COL5A2: variants seen among roughly 807,000 people sequenced by gnomAD.
COL5A2 encodes collagen alpha-2(V) chain.
Under a neutral mutation model 208.2 loss-of-function variants are expected in COL5A2, and 23 were observed. The observed-to-expected ratio is 0.11, with a 90% confidence interval of 0.08 to 0.16. The LOEUF (loss-of-function observed/expected upper bound fraction) is 0.16. Ranked by LOEUF, COL5A2 falls within the 10% of genes least tolerant of loss-of-function variation. COL5A2 has a pLI of 1.00. For missense variants in COL5A2, 1,590 were observed against 1,956.4 expected (o/e 0.81, Z 3.53); for synonymous variants, 625 against 628.5 (o/e 0.99, Z 0.08).
chr2:189,340,167 G>A, the COL5A2 span, among the ~76,000 whole-genome samples: 2 of 152,122 alleles, frequency 1.3e-5, no homozygotes, highest in Admixed American at 6.5e-5. Context: ...TGACAACTGG[G>A]TTCCCCTTGG....
chr2:189,097,185 A>G (rs1686936046), intron 6 of COL5A2, 92 bp downstream of exon 6: 1 of 1,185,532 alleles, frequency 8.4e-7, no homozygotes, highest in Non-Finnish European at 1.3e-6. Flanking sequence ...GTGAAAGAGG[A>G]ATAGTGCTCC....
At chr2:189,294,611 TC>T in the COL5A2 span, among the ~76,000 whole-genome samples, 1 of 152,190 alleles carries the variant, frequency 6.6e-6, no homozygotes, top group South Asian at 2.1e-4. Context: ...TCATAAAAAC[TC>T]ATTTGAAAAT....
At chr2:189,167,533 T>C (rs908614967) in intron 1 of COL5A2, among the ~76,000 whole-genome samples, 2 of 152,118 alleles carry the variant, frequency 1.3e-5, no homozygotes, top group African/African-American at 4.8e-5. Context: ...GAGTTGTGTC[T>C]AAGCAAAATT....
chr2:189,419,081 A>G, the COL5A2 span, among the ~76,000 whole-genome samples: 60 of 152,320 alleles, frequency 3.9e-4, no homozygotes, highest in African/African-American at 1.4e-3. Context: ...GTTGATCCTC[A>G]GGAAGATGAT....
the COL5A2 span, among the ~76,000 whole-genome samples, chr2:189,370,443 T>A: frequency 6.6e-6 from 1 of 152,180 alleles, no homozygotes; most frequent in African/African-American, 2.4e-5. Flanking sequence ...CAGAATTATA[T>A]AAACTTGTCA....
At chr2:189,052,838 G>T (rs1479543873) in intron 39 of COL5A2, 36 bp from the exon 40 acceptor site, 1 of 1,612,812 alleles carries the variant, frequency 6.2e-7, no homozygotes, top group Admixed American at 1.7e-5. Flanking sequence ...CTATAGTGAA[G>T]CAAAAGAGGC....
the COL5A2 span, among the ~76,000 whole-genome samples, chr2:189,435,381 G>C: frequency 6.7e-4 from 102 of 152,238 alleles, 3 homozygotes; most frequent in East Asian, 0.015. Context: ...CCATCAGAGT[G>C]AACAGGCAAC....
At chr2:189,330,016 T>G in the COL5A2 span, among the ~76,000 whole-genome samples, 1 of 152,080 alleles carries the variant, frequency 6.6e-6, no homozygotes, top group East Asian at 1.9e-4. Context: ...AAGGAAAAAC[T>G]GCTGAAGTGT....
chr2:189,209,239 C>T (rs1689179744), intron 1 of COL5A2, among the ~76,000 whole-genome samples: 1 of 152,124 alleles, frequency 6.6e-6, no homozygotes, highest in Non-Finnish European at 1.5e-5. Flanking sequence ...GTTGCTCTGA[C>T]TGGCCCCTGA....
At chr2:189,261,869 G>A in the COL5A2 span, among the ~76,000 whole-genome samples, 2 of 152,262 alleles carry the variant, frequency 1.3e-5, no homozygotes, top group African/African-American at 4.8e-5. Context: ...CATCTAAAAG[G>A]TAGCTGGAAG....
chr2:189,090,478 C>A (rs375395127), intron 7 of COL5A2, among the ~76,000 whole-genome samples: 4 of 152,182 alleles, frequency 2.6e-5, no homozygotes, highest in Non-Finnish European at 5.9e-5. Context: ...CATTGATGAA[C>A]GTGGCTACAC....
At chr2:189,137,119 A>G (rs1687841632) in intron 1 of COL5A2, among the ~76,000 whole-genome samples, 1 of 152,224 alleles carries the variant, frequency 6.6e-6, no homozygotes, top group Non-Finnish European at 1.5e-5. Context: ...TATTCTGAAT[A>G]AAACTAACTG....
chr2:189,143,279 A>C (rs1687971375), intron 1 of COL5A2, among the ~76,000 whole-genome samples: 1 of 152,180 alleles, frequency 6.6e-6, no homozygotes, highest in Non-Finnish European at 1.5e-5. Context: ...ATCTACTGGA[A>C]GAAGGAATGC....
chr2:189,423,566 A>G, the COL5A2 span, among the ~76,000 whole-genome samples: 2 of 152,140 alleles, frequency 1.3e-5, no homozygotes. Context: ...ACATAAATAC[A>G]AAGGATAATA....
At chr2:189,178,682 A>G (rs2105829925) in intron 1 of COL5A2, among the ~76,000 whole-genome samples, 1 of 150,266 alleles carries the variant, frequency 6.7e-6, no homozygotes, top group South Asian at 2.1e-4. Flanking sequence ...TAGGAAAAAA[A>G]TGTGGTCACC....
chr2:189,083,719 ACT>A (rs1686588947), intron 12 of COL5A2, among the ~76,000 whole-genome samples: 1 of 152,010 alleles, frequency 6.6e-6, no homozygotes, highest in African/African-American at 2.4e-5. Context: ...AGGATTTGAA[ACT>A]CAGTTTGGAG....
the COL5A2 span, among the ~76,000 whole-genome samples, chr2:189,411,007 C>T: frequency 2.0e-5 from 3 of 151,976 alleles, no homozygotes; most frequent in African/African-American, 4.8e-5. Context: ...GTCTCAGCAC[C>T]GAATTACTCC....
intron 1 of COL5A2, among the ~76,000 whole-genome samples, chr2:189,134,847 T>C (rs967721223): frequency 6.6e-6 from 1 of 152,240 alleles, no homozygotes; most frequent in Non-Finnish European, 1.5e-5. Context: ...TTTTATTATT[T>C]AGAAAATGAA....
the COL5A2 span, among the ~76,000 whole-genome samples, chr2:189,313,917 A>T: frequency 6.6e-6 from 1 of 152,344 alleles, no homozygotes; most frequent in South Asian, 2.1e-4. Flanking sequence ...ATATGCACAC[A>T]ACACAGGAAC....
Sources: allele counts gnomAD v4.1 joint callset (sites outside exome capture counted in the v4.1 genomes callset), GRCh38; gene constraint gnomAD v4.1.1; transcripts MANE v1.5; gene names NCBI Gene and HGNC (gene_info 2026-07-23, HGNC 2026-07-21).